CHN1: variants seen among roughly 807,000 people sequenced by gnomAD.
CHN1 encodes the protein N-chimaerin.
Under a neutral mutation model 59.5 loss-of-function variants are expected in CHN1, and 37 were observed. The observed-to-expected ratio is 0.62, with a 90% CI of 0.48 to 0.82. The LOEUF (loss-of-function observed/expected upper bound fraction) is 0.82. CHN1 is among the 40% of genes least tolerant of loss of function. CHN1 has a pLI of 0.00. For synonymous variants in CHN1, 206 were observed against 200.4 expected, an observed-to-expected ratio of 1.03 and a Z score of -0.24; for missense variants, 469 against 571.0, an observed-to-expected ratio of 0.82 and a Z score of 1.82.
chr2:174,993,015 C>T (rs1691591107), intron 1 of CHN1, among the ~76,000 whole-genome samples: 1 of 152,056 alleles, frequency 6.6e-6, no homozygotes, highest in Admixed American at 6.6e-5. Flanking sequence ...CTCTTGAATT[C>T]CTGGCCTCAA....
intron 1 of CHN1, among the ~76,000 whole-genome samples, chr2:174,961,233 G>C (rs1224628122): frequency 7.0e-6 from 1 of 143,372 alleles, no homozygotes; most frequent in Non-Finnish European, 1.5e-5. Context: ...GAGGGAGGGA[G>C]GGAGGAAGGC....
At chr2:174,947,591 C>A (rs1222250930) in intron 2 of CHN1, among the ~76,000 whole-genome samples, 1 of 151,078 alleles carries the variant, frequency 6.6e-6, no homozygotes, top group Non-Finnish European at 1.5e-5. Context: ...TTCAAGCAAG[C>A]CTTATGCCGC....
At chr2:174,979,118 G>A (rs1187427720) in intron 1 of CHN1, among the ~76,000 whole-genome samples, 1 of 152,128 alleles carries the variant, frequency 6.6e-6, no homozygotes, top group Non-Finnish European at 1.5e-5. Context: ...GTTGTTAATG[G>A]ATACCAGAAG....
intron 6 of CHN1, chr2:174,847,773 CAAAAAAAAAAAAAAAAAA>C: frequency 4.3e-6 from 1 of 233,644 alleles, no homozygotes; most frequent in Non-Finnish European, 7.5e-6. Context: ...TGGCTCAAGG[CAAAAAAAAAAAAAAAAAA>C]AAAAAAAAAA....
intron 7 of CHN1, among the ~76,000 whole-genome samples, chr2:174,842,952 A>G (rs1686364726): frequency 1.3e-5 from 2 of 152,242 alleles, no homozygotes; most frequent in Non-Finnish European, 2.9e-5. Flanking sequence ...ATGAAAATCA[A>G]CAACTAATTC....
intron 6 of CHN1, among the ~76,000 whole-genome samples, chr2:174,863,768 A>G (rs1269820364): frequency 6.6e-6 from 1 of 152,000 alleles, no homozygotes; most frequent in Non-Finnish European, 1.5e-5. Flanking sequence ...GTGTAGATAG[A>G]AAGATAAATA....
chr2:174,939,054 A>G (rs1279655671), intron 3 of CHN1, among the ~76,000 whole-genome samples: 2 of 152,278 alleles, frequency 1.3e-5, no homozygotes, highest in East Asian at 1.9e-4. Flanking sequence ...TGGTTTTTCA[A>G]TGCTTTCATG....
At chr2:174,819,553 T>C (rs1685407620) in intron 8 of CHN1, among the ~76,000 whole-genome samples, 1 of 152,236 alleles carries the variant, frequency 6.6e-6, no homozygotes, top group African/African-American at 2.4e-5. Context: ...ACAGTCTCCA[T>C]GATTACATAA....
chr2:174,892,225 G>A (rs759812232), intron 5 of CHN1, among the ~76,000 whole-genome samples: 1 of 152,206 alleles, frequency 6.6e-6, no homozygotes, highest in Non-Finnish European at 1.5e-5. Flanking sequence ...TGAAGAGGAA[G>A]TGTTATTATT....
chr2:174,965,091 G>A (rs1388029064), intron 1 of CHN1, among the ~76,000 whole-genome samples: 2 of 151,830 alleles, frequency 1.3e-5, no homozygotes, highest in Non-Finnish European at 2.9e-5. Flanking sequence ...TAGTTACTTA[G>A]GAGATACTCA....
chr2:174,984,055 GT>G (rs75391193), intron 1 of CHN1, among the ~76,000 whole-genome samples: 94 of 142,216 alleles, frequency 6.6e-4, no homozygotes, highest in South Asian at 8.9e-4. Flanking sequence ...CTCCACGCAA[GT>G]TTTTTTTTTT....
chr2:174,802,591 A>C (rs1684761347), intron 11 of CHN1, among the ~76,000 whole-genome samples: 1 of 152,220 alleles, frequency 6.6e-6, no homozygotes, highest in African/African-American at 2.4e-5. Flanking sequence ...ATGAACAAAA[A>C]CCCAGCACAT....
chr2:174,904,776 TG>T (rs1688491961), intron 5 of CHN1, among the ~76,000 whole-genome samples: 1 of 152,170 alleles, frequency 6.6e-6, no homozygotes, highest in Admixed American at 6.5e-5. Flanking sequence ...TTCTGTAAAA[TG>T]GGGGAAAAAT....
At chr2:174,977,941 A>C (rs1691004195) in intron 1 of CHN1, among the ~76,000 whole-genome samples, 1 of 152,216 alleles carries the variant, frequency 6.6e-6, no homozygotes, top group African/African-American at 2.4e-5. Flanking sequence ...AATGACTTTC[A>C]TTCTATTAAA....
chr2:174,815,017 A>G (rs1685199032), intron 8 of CHN1, among the ~76,000 whole-genome samples: 2 of 152,106 alleles, frequency 1.3e-5, no homozygotes, highest in Non-Finnish European at 2.9e-5. Flanking sequence ...TGGGATTCCA[A>G]CAACACAAAT....
At chr2:174,865,472 A>G (rs1170403436) in intron 6 of CHN1, among the ~76,000 whole-genome samples, 1 of 152,186 alleles carries the variant, frequency 6.6e-6, no homozygotes, top group East Asian at 1.9e-4. Context: ...TTGATAATTC[A>G]CCATAAACCT....
chr2:174,920,888 TG>T, intron 3 of CHN1: 1 of 413,348 alleles, frequency 2.4e-6, no homozygotes, highest in South Asian at 1.8e-5. Context: ...GCCCTGAGCT[TG>T]TTTTCCTGCA....
At chr2:174,958,147 T>G (rs1175358213) in intron 1 of CHN1, among the ~76,000 whole-genome samples, 4 of 114,278 alleles carry the variant, frequency 3.5e-5, no homozygotes, top group Non-Finnish European at 4.9e-5. Flanking sequence ...AGGGAGGAAG[T>G]AAGGAAGGAA....
intron 1 of CHN1, among the ~76,000 whole-genome samples, chr2:174,970,232 T>G (rs535409163): frequency 6.6e-6 from 1 of 152,186 alleles, no homozygotes; most frequent in South Asian, 2.1e-4. Flanking sequence ...AGTATGATGG[T>G]TGTCTTGAAG....
Sources: gnomAD v4.1 joint callset for allele counts (sites outside exome capture counted in the v4.1 genomes callset) on GRCh38, gnomAD v4.1.1 for gene constraint, MANE v1.5 for transcripts, NCBI Gene and HGNC (gene_info 2026-07-23, HGNC 2026-07-21) for gene names.